The following SPATA19 variants were observed in gnomAD, a reference collection of about 807,000 sequenced individuals.
SPATA19 encodes spermatogenesis associated 19.
SPATA19 carries 19 observed loss-of-function variants against 25.0 expected under a neutral mutation model. The observed-to-expected ratio is 0.76, with a 90% CI of 0.53 to 1.11. SPATA19 has a LOEUF of 1.11. SPATA19 is among the 50% of genes most tolerant of loss of function. The probability of loss-of-function intolerance (pLI) is 0.00; values close to 1 mark genes in which losing one functional copy is unlikely to be tolerated. For synonymous variants in SPATA19, 64 were observed against 69.3 expected, an observed-to-expected ratio of 0.92 and a Z score of 0.38; for missense variants, 222 against 211.4, an observed-to-expected ratio of 1.05 and a Z score of -0.31.
chr11:133,844,554 G>A lies in SPATA19; in HGVS notation c.222C>T (p.Asp74=). ...SQGVREKMST[D]SPPTHGQDIH... ...TGTCCTGGCCATGGGTGGGAGGGGAGTCAGTGGACATCTTCTCCCTTACAC... is the reference window on the plus strand; with the variant it reads ...TGTCCTGGCCATGGGTGGGAGGGGAATCAGTGGACATCTTCTCCCTTACAC... The change falls in exon 3 of 7, where the codon GAC becomes GAT. Residue 74 remains aspartate, a synonymous_variant. Transcript: ENST00000299140. 2 of 1,614,172 alleles carry A rather than the reference G, an allele frequency of 1.2e-6. No homozygotes were observed. Among genetic ancestry groups the A allele is most frequent in the Non-Finnish European group, 1.7e-6 (2 of 1,180,022 alleles).
At chr11:133,840,346 T>C (rs1364489665), downstream of SPATA19, among the ~76,000 whole-genome samples, 2 of 152,162 alleles carry the variant, frequency 1.3e-5, no homozygotes, top group Non-Finnish European at 2.9e-5. Flanking sequence ...AACTCAAATC[T>C]ACATTAAAAA....
intron 2 of SPATA19, among the ~76,000 whole-genome samples, 175 bp from the exon 3 acceptor site, chr11:133,844,815 A>G (rs895032068): frequency 2.6e-5 from 4 of 152,192 alleles, no homozygotes; most frequent in African/African-American, 9.7e-5. Flanking sequence ...TAAAGTCCTC[A>G]GAACTCCCTA....
rs1591684570 is a variant in SPATA19 at position 133,841,918 on chromosome 11, C to T, written c.*9+112G>A. The T allele has an allele frequency of 5.7e-6, 6 of 1,046,880 alleles. No individual in the cohort carries two copies. The East Asian group carries it at 1.4e-4, about 25-fold the overall frequency. The allele number at this position is 1,046,880 out of a possible 1,614,324, so 64.8% of individuals were successfully genotyped here. On this transcript the variant is annotated intron_variant, in intron 6 of 6. Coordinates refer to ENST00000299140, the MANE Select transcript of SPATA19 (RefSeq NM_174927.3). ...TACTGGCCCTGAGTGCAGGCCCTTC[C>T]CCAGTAGGGAAAAGCTAAGCCTCTT...
chr11:133,842,453 GAACACAAATCA>G, intron 5 of SPATA19, 21 bp downstream of exon 5: 1 of 1,579,806 alleles, frequency 6.3e-7, no homozygotes, highest in Non-Finnish European at 8.7e-7. Flanking sequence ...CCCCAGTCAG[GAACACAAATCA>G]AGCAGTTCCA....
chr11:133,842,416 C>T, intron 5 of SPATA19, 69 bp downstream of exon 5: 2 of 1,255,088 alleles, frequency 1.6e-6, no homozygotes. Flanking sequence ...GGGCGGGAAA[C>T]CCAGCAGTCA....
downstream of SPATA19, among the ~76,000 whole-genome samples, chr11:133,838,777 C>T (rs1415585451): frequency 6.6e-6 from 1 of 152,190 alleles, no homozygotes; most frequent in Non-Finnish European, 1.5e-5. Flanking sequence ...TCGCAACCTA[C>T]TCATCTGACA....
intron 2 of SPATA19, 151 bp downstream of exon 2, chr11:133,844,983 A>G (rs758194548): frequency 1.1e-5 from 8 of 710,702 alleles, no homozygotes; most frequent in Non-Finnish European, 1.9e-5. Flanking sequence ...CCTCCAGCAC[A>G]TGTGAAGAAA....
At chr11:133,840,110 C>T (rs114249102), downstream of SPATA19, among the ~76,000 whole-genome samples, 3,231 of 152,168 alleles carry the variant, frequency 0.021, 83 homozygotes, top group African/African-American at 0.058. Context: ...AGCTTCTCCT[C>T]GGTTACCGTA....
At position 133,842,522 on chromosome 11, in the gene SPATA19, CCT is replaced by C. The variant is rs1938331434; in HGVS notation, c.398_399del (p.Glu133GlyfsTer98). The C allele has an allele frequency of 6.2e-7, 1 of 1,614,088 alleles. No individual in the cohort carries two copies. Reference sequence around the variant, plus strand: ...TGCTCTATTCGATCTCGCATGATGTCCTCTGTCATCTCACTTGGCACTTGGAA... The same window carrying C: ...TGCTCTATTCGATCTCGCATGATGTCCTGTCATCTCACTTGGCACTTGGAA... ...RIFQVPSEMT[E>X]DIMRDRIEQV... On this transcript the variant is annotated frameshift_variant, in exon 5 of 7. Coordinates refer to ENST00000299140, the MANE Select transcript of SPATA19 (RefSeq NM_174927.3). LOFTEE classifies it high-confidence loss of function.
At chr11:133,845,314 A>G in intron 1 of SPATA19, 55 bp downstream of exon 1, 1 of 1,494,728 alleles carries the variant, frequency 6.7e-7, no homozygotes, top group Non-Finnish European at 9.3e-7. Context: ...AGGGTCCCAC[A>G]GGGGGAGAAG....
At chr11:133,842,960 A>C (rs1319993718) in intron 4 of SPATA19, among the ~76,000 whole-genome samples, 1 of 152,162 alleles carries the variant, frequency 6.6e-6, no homozygotes, top group African/African-American at 2.4e-5. Flanking sequence ...GCTTCTAGGA[A>C]AGCCTACAGC....
intron 2 of SPATA19, 35 bp downstream of exon 2, chr11:133,845,099 T>G: frequency 6.3e-7 from 1 of 1,588,878 alleles, no homozygotes; most frequent in Non-Finnish European, 8.6e-7. Flanking sequence ...CTCTAGCATT[T>G]TGGATATCCT....
rs137904597 is a variant in SPATA19 at position 133,843,861 on chromosome 11, C to T, written c.359+385G>A. ...CCGAGTGCAGAATTCTAGCCTCGGG[C>T]GCTGGGAAGCCTCCCCACACCTCAG... On this transcript the variant is annotated intron_variant, in intron 4 of 6. Transcript: ENST00000299140. Among the ~76,000 whole-genome samples the T allele has an allele frequency of 2.1e-3, 324 of 152,352 alleles. 1 individual carries two copies. The highest frequency in any genetic ancestry group is 7.5e-3 in the African/African-American group (313 of 41,592).
intron 6 of SPATA19, among the ~76,000 whole-genome samples, chr11:133,841,477 G>A (rs548731039): frequency 3.9e-5 from 6 of 152,258 alleles, no homozygotes; most frequent in South Asian, 4.1e-4. Flanking sequence ...ACTGCATCCC[G>A]GATAGCTCTT....
chr11:133,842,682 T>C (rs973381456), intron 4 of SPATA19, 120 bp from the exon 5 acceptor site: 4 of 813,424 alleles, frequency 4.9e-6, no homozygotes, highest in South Asian at 1.5e-5. Flanking sequence ...CCATGAACTT[T>C]TGAGCTGGTC....
rs574012678 is a variant in SPATA19 at position 133,844,543 on chromosome 11, G to T, written c.233C>A (p.Thr78Asn). 6.2e-7 allele frequency: 1 copy of T among 1,614,156 alleles called. No individual in the cohort carries two copies. Among genetic ancestry groups the T allele is most frequent in the Non-Finnish European group, 8.5e-7 (1 of 1,180,020 alleles). ...REKMSTDSPP[T>N]HGQDIHVTRD... ...GGTCACGTGGATGTCCTGGCCATGGGTGGGAGGGGAGTCAGTGGACATCTT... is the reference window on the plus strand; with the variant it reads ...GGTCACGTGGATGTCCTGGCCATGGTTGGGAGGGGAGTCAGTGGACATCTT... Residue 78 changes from threonine to asparagine, a missense_variant, in exon 3 of 7, where the codon ACC becomes AAC. By Grantham distance (65) the Thr-to-Asn change is moderately conservative. Coordinates refer to ENST00000299140, the MANE Select transcript of SPATA19 (RefSeq NM_174927.3).
downstream of SPATA19, among the ~76,000 whole-genome samples, chr11:133,836,711 G>T (rs1323972679): frequency 6.6e-6 from 1 of 152,216 alleles, no homozygotes; most frequent in African/African-American, 2.4e-5. Flanking sequence ...CACCTTTCAA[G>T]TAGTTATGAA....
At chr11:133,842,162 T>A (rs1037071361) in intron 5 of SPATA19, 57 bp from the exon 6 acceptor site, 1 of 1,552,498 alleles carries the variant, frequency 6.4e-7, no homozygotes, top group Non-Finnish European at 8.9e-7. Context: ...TAGCAGAGCC[T>A]ACCCAGACCA....
chr11:133,837,034 A>G (rs1027317014), downstream of SPATA19, among the ~76,000 whole-genome samples: 5 of 152,322 alleles, frequency 3.3e-5, no homozygotes, highest in African/African-American at 4.8e-5. Context: ...CTTGGATAGG[A>G]CCAGGCATAT....
Sources: allele counts gnomAD v4.1 joint callset (sites outside exome capture counted in the v4.1 genomes callset), GRCh38; gene constraint gnomAD v4.1.1; transcripts MANE v1.5; gene names NCBI Gene and HGNC (gene_info 2026-07-23, HGNC 2026-07-21).